GLRA1: variants seen among roughly 807,000 people sequenced by gnomAD.
GLRA1 encodes glycine receptor subunit alpha-1.
GLRA1 carries 37 observed loss-of-function variants against 48.3 expected under a neutral mutation model. The ratio of observed to expected loss-of-function variants is 0.77; its 90% CI spans 0.59 to 1.01. The LOEUF (loss-of-function observed/expected upper bound fraction) is 1.01. Among genes scored for constraint, GLRA1 ranks in the 50% least tolerant of loss-of-function variants. GLRA1 has a pLI of 0.00. For missense variants in GLRA1, 427 were observed against 571.0 expected, an observed-to-expected ratio of 0.75 and a Z score of 2.57; for synonymous variants, 196 against 210.7, an observed-to-expected ratio of 0.93 and a Z score of 0.60.
intron 3 of GLRA1, among the ~76,000 whole-genome samples, chr5:151,868,817 A>G (rs749933627): frequency 2.0e-5 from 3 of 152,212 alleles, no homozygotes; most frequent in Non-Finnish European, 2.9e-5. Flanking sequence ...ACTCAAGTCC[A>G]GTGCTTGTGG....
chr5:151,883,801 A>G (rs555764189), intron 3 of GLRA1, among the ~76,000 whole-genome samples: 1 of 152,354 alleles, frequency 6.6e-6, no homozygotes, highest in South Asian at 2.1e-4. Flanking sequence ...ACCTTGGCCA[A>G]GATCACAGAG....
At position 151,838,078 on chromosome 5, in the gene GLRA1, G is replaced by A. The variant is rs75587152; in HGVS notation, c.913-9011C>T. Among the ~76,000 whole-genome samples, 1,433 of 152,274 alleles carry A rather than the reference G, an allele frequency of 9.4e-3. 21 individuals are homozygous for A. Among genetic ancestry groups the A allele is most frequent in the African/African-American group, 0.032 (1,341 of 41,538 alleles). On this transcript the variant is annotated intron_variant, in intron 7 of 8. Coordinates refer to ENST00000274576, the MANE Select transcript of GLRA1 (RefSeq NM_000171.4). ...GGAAGCCCAGATGCTGGACTTAATAGACAAAGACTTTAAATCAGTTATTTT... is the reference window on the plus strand; with the variant it reads ...GGAAGCCCAGATGCTGGACTTAATAAACAAAGACTTTAAATCAGTTATTTT...
At position 151,920,855 on chromosome 5, in the gene GLRA1, A is replaced by G. The variant is rs562689236; in HGVS notation, c.56+3639T>C. On this transcript the variant is annotated intron_variant, in intron 1 of 8. Coordinates refer to ENST00000274576, the MANE Select transcript of GLRA1 (RefSeq NM_000171.4). Reference sequence around the variant, plus strand: ...CTCCTTCAAGAAGGGAAAAATCAAGACAGTCATCTGCCCTTCTTGACAAGC... The same window carrying G: ...CTCCTTCAAGAAGGGAAAAATCAAGGCAGTCATCTGCCCTTCTTGACAAGC... 2.6e-4 allele frequency among the ~76,000 whole-genome samples: 39 copies of G among 152,246 alleles called. No homozygotes were observed. The South Asian group carries it at 7.5e-3, about 29-fold the overall frequency.
chr5:151,829,681 CAT>C (rs1014472042), intron 7 of GLRA1, among the ~76,000 whole-genome samples: 3 of 152,320 alleles, frequency 2.0e-5, no homozygotes, highest in Admixed American at 6.5e-5. Context: ...AATATTCACA[CAT>C]ATGTGCAATC....
At chr5:151,830,667 T>C (rs991982436) in intron 7 of GLRA1, among the ~76,000 whole-genome samples, 1 of 152,218 alleles carries the variant, frequency 6.6e-6, no homozygotes, top group African/African-American at 2.4e-5. Context: ...AGGAAACCTT[T>C]GTCTGATTTT....
At chr5:151,833,335 G>A (rs1035101108) in intron 7 of GLRA1, among the ~76,000 whole-genome samples, 1 of 152,114 alleles carries the variant, frequency 6.6e-6, no homozygotes, top group African/African-American at 2.4e-5. Flanking sequence ...AAATGCCCCA[G>A]TTAAAAGACA....
At position 151,856,374 on chromosome 5, in the gene GLRA1, C is replaced by T. The variant is rs765270323; in HGVS notation, c.486G>A (p.Leu162=). The change falls in exon 5 of 9, where the codon CTG becomes CTA. Residue 162 remains leucine (L), a synonymous_variant. Transcript: ENST00000274576. The stretch of plus-strand genomic sequence containing the variant: ...TCAAGTCCATGGGGCAGGCCAGTGT[C>T]AGGGTGATTCTGGGAAGAGAAGGGA... ...GNVLYSIRIT[L]TLACPMDLKN... 1.2e-6 allele frequency: 2 copies of T among 1,609,544 alleles called. No individual in the cohort carries two copies. The highest frequency in any genetic ancestry group is 2.2e-5 in the East Asian group (1 of 44,820).
intron 3 of GLRA1, 24 bp from the exon 4 acceptor site, chr5:151,860,032 G>A (rs751965923): frequency 6.4e-7 from 1 of 1,574,686 alleles, no homozygotes; most frequent in East Asian, 2.2e-5. Context: ...ATAACAAGGT[G>A]AAGGCAATGT....
intron 1 of GLRA1, among the ~76,000 whole-genome samples, chr5:151,896,192 T>C (rs1415410835): frequency 6.6e-6 from 1 of 152,222 alleles, no homozygotes; most frequent in Non-Finnish European, 1.5e-5. Flanking sequence ...AACTTGCATG[T>C]CTGCAGTAAG....
chr5:151,856,825 A>C (rs1214692345), intron 4 of GLRA1, among the ~76,000 whole-genome samples: 3 of 152,198 alleles, frequency 2.0e-5, no homozygotes, highest in Non-Finnish European at 4.4e-5. Flanking sequence ...CCCGGCCGTG[A>C]CATGATTTTC....
chr5:151,908,027 A>C (rs1242257361), intron 1 of GLRA1, among the ~76,000 whole-genome samples: 1 of 152,186 alleles, frequency 6.6e-6, no homozygotes, highest in African/African-American at 2.4e-5. Context: ...GTGGATGAGG[A>C]AAAGGAGGAA....
chr5:151,886,578 C>A, intron 3 of GLRA1, 143 bp downstream of exon 3: 1 of 707,084 alleles, frequency 1.4e-6, no homozygotes, highest in South Asian at 1.5e-5. Context: ...TAAAGACATC[C>A]GAGCCTCATG....
At chr5:151,902,522 G>A (rs904627580) in intron 1 of GLRA1, among the ~76,000 whole-genome samples, 10 of 152,026 alleles carry the variant, frequency 6.6e-5, no homozygotes, top group Admixed American at 2.6e-4. Flanking sequence ...TTTTACAGAT[G>A]CTATGGAAAT....
chr5:151,896,328 G>A (rs910352086), intron 1 of GLRA1, among the ~76,000 whole-genome samples: 7 of 152,210 alleles, frequency 4.6e-5, no homozygotes, highest in African/African-American at 1.7e-4. Context: ...TTTAAAGAGA[G>A]AAGGAATTAG....
rs116143711 is a variant in GLRA1, at chr5:151,896,295, A to G, written c.57-3857T>C. ...AATGAAGACCCCAGGGGGTCAAGTA[A>G]CTGGCTCCAAGTCACACAGCACTTT... On this transcript the variant is annotated intron_variant, in intron 1 of 8. Transcript: ENST00000274576. Among the ~76,000 whole-genome samples the G allele has an allele frequency of 3.3e-3, 504 of 152,346 alleles. 2 individuals are homozygous for G. Among genetic ancestry groups the G allele is most frequent in the African/African-American group, 0.012 (484 of 41,592 alleles).
chr5:151,845,438 A>G (rs1458348740), intron 7 of GLRA1, among the ~76,000 whole-genome samples: 1 of 152,268 alleles, frequency 6.6e-6, no homozygotes, highest in Non-Finnish European at 1.5e-5. Flanking sequence ...ATTTCACCAA[A>G]GAAGATACAG....
At position 151,822,812 on chromosome 5, in the gene GLRA1, A is replaced by C. The variant is rs1275934868; in HGVS notation, c.1211T>G (p.Met404Arg). 1.2e-6 allele frequency: 2 copies of C among 1,613,986 alleles called. No homozygotes were observed. Among genetic ancestry groups the C allele is most frequent in the South Asian group, 1.1e-5 (1 of 91,082 alleles). The change falls in exon 9 of 9, where the codon ATG becomes AGG. Residue 404 changes from methionine (M) to arginine (R), a missense_variant. Physicochemically the swap from Met to Arg is moderately conservative, Grantham distance 91. Around this residue, in one of 4 missense-constraint regions of GLRA1, gnomAD observed 121 missense variants for 96.5 expected, o/e 1.25. Coordinates refer to ENST00000274576, the MANE Select transcript of GLRA1 (RefSeq NM_000171.4). ...GGCCCTCTGGATGAAGAGTTTTCGC[A>C]TCTCCTCTGGGGACTTAGATGGTGC... ...PPAPSKSPEEMRKLFIQRAKK... is the reference protein window; with the variant it reads ...PPAPSKSPEERRKLFIQRAKK...
intron 3 of GLRA1, among the ~76,000 whole-genome samples, chr5:151,882,973 T>C (rs1042298260): frequency 6.6e-6 from 1 of 152,168 alleles, no homozygotes; most frequent in Non-Finnish European, 1.5e-5. Flanking sequence ...GTAGTCATTT[T>C]GTTGAAAGTT....
At chr5:151,855,251 G>C (rs1753009626) in intron 5 of GLRA1, 74 bp from the exon 6 acceptor site, 1 of 1,444,230 alleles carries the variant, frequency 6.9e-7, no homozygotes, top group Admixed American at 1.7e-5. Flanking sequence ...ATTGGTTAGG[G>C]TTAGAGACTG....
Sources: allele counts gnomAD v4.1 joint callset (sites outside exome capture counted in the v4.1 genomes callset), GRCh38; gene constraint gnomAD v4.1.1; regional missense constraint gnomAD v4.1.1; transcripts MANE v1.5; gene names NCBI Gene and HGNC (gene_info 2026-07-23, HGNC 2026-07-21).